Variants in UBE3D observed in about 807,000 individuals in gnomAD.
UBE3D encodes the protein ubiquitin protein ligase E3D.
In UBE3D, 48 loss-of-function variants were observed where a neutral mutation model predicts 49.6. That is an observed-to-expected ratio of 0.97 (90% CI 0.77 to 1.23). The LOEUF (loss-of-function observed/expected upper bound fraction) is 1.23, where lower values mean the gene tolerates loss of function less well. UBE3D is among the 50% of genes most tolerant of loss of function. The pLI, the probability that UBE3D is intolerant of heterozygous loss-of-function variation, is 0.00. For synonymous variants in UBE3D, 189 were observed against 174.2 expected (o/e 1.08, Z -0.67); for missense variants, 452 against 468.4 (o/e 0.96, Z 0.32).
chr6:82,910,343 T>C lies in UBE3D; in HGVS notation c.1150-17301A>G, dbSNP rs763872787. Among the ~76,000 whole-genome samples the C allele has an allele frequency of 1.3e-4, 20 of 152,328 alleles. 1 individual carries two copies. Among genetic ancestry groups the C allele is most frequent in the Middle Eastern group, 3.4e-3 (1 of 294 alleles). The stretch of plus-strand genomic sequence containing the variant: ...AATATTTGTTGCCTGGAATGAATGA[T>C]TGGACAAATTAATTATATAACTAGA... On this transcript the variant is annotated intron_variant, in intron 9 of 9. Coordinates refer to ENST00000369747, the MANE Select transcript of UBE3D (RefSeq NM_198920.3).
intron 5 of UBE3D, chr6:83,036,554 G>A (rs1302641001): frequency 6.6e-6 from 1 of 151,646 alleles, no homozygotes; most frequent in Non-Finnish European, 1.5e-5. Context: ...TAATTTGCTT[G>A]CTTAATCATT....
chr6:83,028,553 C>T (rs1394080324), intron 5 of UBE3D, among the ~76,000 whole-genome samples: 1 of 152,124 alleles, frequency 6.6e-6, no homozygotes, highest in Non-Finnish European at 1.5e-5. Context: ...TGAGGTTCTC[C>T]TCTTGAGTAG....
chr6:83,036,699 A>T (rs535728283), intron 5 of UBE3D: 7 of 151,874 alleles, frequency 4.6e-5, no homozygotes, highest in African/African-American at 1.7e-4. Flanking sequence ...TGTTGACTGT[A>T]GGATGAGTGA....
chr6:82,991,135 G>A (rs1250403778), intron 8 of UBE3D, among the ~76,000 whole-genome samples: 1 of 152,116 alleles, frequency 6.6e-6, no homozygotes, highest in Non-Finnish European at 1.5e-5. Context: ...CTCACAGAAG[G>A]AGTGCTCAAG....
At chr6:83,054,033 G>T (rs1783648510) in intron 3 of UBE3D, 115 bp downstream of exon 3, 3 of 803,708 alleles carry the variant, frequency 3.7e-6, no homozygotes, top group South Asian at 1.6e-5. Flanking sequence ...CATTAAGCTG[G>T]CTCTCACTTT....
In UBE3D at chr6:82,992,526, A is replaced by G. The variant is rs184070868; in HGVS notation, c.1010+26447T>C. On this transcript the variant is annotated intron_variant, in intron 8 of 9. Coordinates refer to ENST00000369747, the MANE Select transcript of UBE3D (RefSeq NM_198920.3). ...GCGTGAGCCACCACGCCCAGCTGAC[A>G]TCCATATTCTTTAGGGAAGGGAGTA... Among the ~76,000 whole-genome samples the G allele has an allele frequency of 4.0e-3, 607 of 152,268 alleles. 2 individuals are homozygous for G. Among genetic ancestry groups the G allele is most frequent in the Non-Finnish European group, 5.6e-3 (380 of 68,020 alleles).
intron 8 of UBE3D, among the ~76,000 whole-genome samples, chr6:82,962,437 T>A (rs2127781251): frequency 6.6e-6 from 1 of 152,312 alleles, no homozygotes; most frequent in South Asian, 2.1e-4. Context: ...CACAGGACCT[T>A]GGAGTCAGGT....
At chr6:83,055,411 T>G (rs1783753600) in intron 2 of UBE3D, among the ~76,000 whole-genome samples, 1 of 152,190 alleles carries the variant, frequency 6.6e-6, no homozygotes, top group South Asian at 2.1e-4. Flanking sequence ...TCTTAACAGT[T>G]TTTAAGGGGT....
In UBE3D at chr6:83,022,509, CAG is replaced by C; in HGVS notation, c.788_789del (p.Ser263CysfsTer2). ...VIAQCLVQLS[S>X]ARSTFRFTIQ... ...ATCGTGAATCTAAAAGTGCTTCTAG[CAG>C]AGGAGAGCTGCACCAGACACTGGGC... On this transcript the variant is annotated frameshift_variant, in exon 7 of 10. Coordinates refer to ENST00000369747, the MANE Select transcript of UBE3D (RefSeq NM_198920.3). LOFTEE classifies it high-confidence loss of function. 1 of 1,606,520 alleles carries C rather than the reference CAG, an allele frequency of 6.2e-7. No homozygotes were observed. The highest frequency in any genetic ancestry group is 8.5e-7 in the Non-Finnish European group (1 of 1,177,066).
chr6:82,911,217 A>AC (rs1441050843), intron 9 of UBE3D, among the ~76,000 whole-genome samples: 1 of 150,954 alleles, frequency 6.6e-6, no homozygotes, highest in African/African-American at 2.4e-5. Flanking sequence ...AAAAAAAAAA[A>AC]AAAAAACTCA....
intron 7 of UBE3D, among the ~76,000 whole-genome samples, chr6:83,020,130 A>G (rs532666165): frequency 6.6e-6 from 1 of 151,848 alleles, no homozygotes; most frequent in East Asian, 1.9e-4. Flanking sequence ...CAAATATACA[A>G]ATTCTTATAT....
At chr6:82,991,099 G>A (rs142808626) in intron 8 of UBE3D, among the ~76,000 whole-genome samples, 1 of 152,206 alleles carries the variant, frequency 6.6e-6, no homozygotes, top group East Asian at 1.9e-4. Context: ...CATAGGCCCT[G>A]GTGTCCTCAT....
At chr6:83,047,787 A>C (rs1783168875) in intron 3 of UBE3D, among the ~76,000 whole-genome samples, 1 of 152,124 alleles carries the variant, frequency 6.6e-6, no homozygotes, top group South Asian at 2.1e-4. Context: ...AGAAATGTTC[A>C]ATAATCTGCA....
rs995851895 is a variant in UBE3D at position 83,053,565 on chromosome 6, AAAC to A, written c.365+580_365+582del. On this transcript the variant is annotated intron_variant, in intron 3 of 9. Coordinates refer to ENST00000369747, the MANE Select transcript of UBE3D (RefSeq NM_198920.3). ...CCTTAGGGACTGTAAAAAAACCCAA[AAAC>A]AACAACAACAACGAAAAAACCAACA... Among the ~76,000 whole-genome samples the A allele has an allele frequency of 5.9e-5, 9 of 152,154 alleles. No homozygotes were observed. The South Asian group carries it at 8.3e-4, about 14-fold the overall frequency.
intron 3 of UBE3D, among the ~76,000 whole-genome samples, chr6:83,052,500 C>T (rs980583436): frequency 1.3e-5 from 2 of 151,998 alleles, no homozygotes; most frequent in African/African-American, 2.4e-5. Context: ...TAGGAGCCAA[C>T]GAGGGGGAGA....
intron 9 of UBE3D, among the ~76,000 whole-genome samples, chr6:82,951,912 T>C (rs1463999255): frequency 6.6e-6 from 1 of 152,164 alleles, no homozygotes; most frequent in Non-Finnish European, 1.5e-5. Context: ...AGGCTGCCAC[T>C]AAGAATGTAC....
At chr6:82,948,084 GTTGGT>G (rs1375323147) in intron 9 of UBE3D, among the ~76,000 whole-genome samples, 1 of 151,846 alleles carries the variant, frequency 6.6e-6, no homozygotes, top group Non-Finnish European at 1.5e-5. Flanking sequence ...GAAACAAAAT[GTTGGT>G]TTTTTTGAAG....
At chr6:82,932,359 G>C (rs1774224389) in intron 9 of UBE3D, among the ~76,000 whole-genome samples, 1 of 151,996 alleles carries the variant, frequency 6.6e-6, no homozygotes, top group African/African-American at 2.4e-5. Flanking sequence ...AATAGTATCT[G>C]GTCCTATAAA....
rs1326754990 is a variant in UBE3D, at chr6:83,057,370, A to G, written c.274+456T>C. The stretch of plus-strand genomic sequence containing the variant: ...GAATGTAAGCTCCATGAGAGCAGAC[A>G]CCTCCCCTACCTTGTTCACTCTGTA... On this transcript the variant is annotated intron_variant, in intron 2 of 9. Transcript: ENST00000369747. Among the ~76,000 whole-genome samples, 3 of 59,312 alleles carry G rather than the reference A, an allele frequency of 5.1e-5. No homozygotes were observed. The South Asian group carries it at 2.5e-3, about 50-fold the overall frequency. The allele number at this position is 59,312 out of a possible 152,430, so 38.9% of individuals were successfully genotyped here. A position where few individuals can be genotyped will look rare whatever the true frequency, so the allele number is the denominator to read the frequency against.
Sources: gnomAD v4.1 joint callset for allele counts (sites outside exome capture counted in the v4.1 genomes callset) on GRCh38, gnomAD v4.1.1 for gene constraint, MANE v1.5 for transcripts, NCBI Gene and HGNC (gene_info 2026-07-23, HGNC 2026-07-21) for gene names.